The following GLIS3 variants were observed in gnomAD, a reference collection of about 807,000 sequenced individuals.
GLIS3 encodes GLIS family zinc finger 3.
A neutral mutation model predicts 78.6 loss-of-function variants in GLIS3; 53 were observed. The ratio of observed to expected loss-of-function variants is 0.67; its 90% CI spans 0.54 to 0.85. The LOEUF (loss-of-function observed/expected upper bound fraction) is 0.85, where lower values mean the gene tolerates loss of function less well. Ranked by LOEUF, GLIS3 falls within the 40% of genes least tolerant of loss-of-function variation. GLIS3 has a pLI of 0.00. For missense variants in GLIS3, 1,703 were observed against 1,231.1 expected, an observed-to-expected ratio of 1.38 and a Z score of -5.74; for synonymous variants, 684 against 509.9, an observed-to-expected ratio of 1.34 and a Z score of -4.60.
the GLIS3 span, among the ~76,000 whole-genome samples, chr9:4,485,764 A>G: frequency 6.9e-6 from 1 of 145,446 alleles, no homozygotes; most frequent in South Asian, 2.1e-4. Flanking sequence ...CTTGTTGCCC[A>G]GGCTGGAGTG....
chr9:4,086,989 A>G (rs1260039705), intron 4 of GLIS3, among the ~76,000 whole-genome samples: 1 of 152,192 alleles, frequency 6.6e-6, no homozygotes, highest in African/African-American at 2.4e-5. Context: ...ATCCTCTACA[A>G]AATCCTAGTT....
intron 2 of GLIS3, among the ~76,000 whole-genome samples, chr9:4,243,299 T>G (rs140297852): frequency 1.3e-5 from 2 of 152,232 alleles, no homozygotes; most frequent in African/African-American, 4.8e-5. Flanking sequence ...GTCAGAGTGA[T>G]TGAGGTGAGA....
chr9:3,938,328 A>G (rs1358355695), intron 4 of GLIS3, among the ~76,000 whole-genome samples: 1 of 152,214 alleles, frequency 6.6e-6, no homozygotes, highest in African/African-American at 2.4e-5. Context: ...GAGGGTGGGT[A>G]AGGAAGGAAG....
intron 4 of GLIS3, among the ~76,000 whole-genome samples, chr9:4,097,794 C>A (rs879319000): frequency 1.9e-4 from 29 of 152,090 alleles, no homozygotes; most frequent in Admixed American, 1.5e-3. Context: ...CTAAGAACCC[C>A]AAAGGTGCCA....
At chr9:4,482,385 A>G in the GLIS3 span, among the ~76,000 whole-genome samples, 1 of 152,202 alleles carries the variant, frequency 6.6e-6, no homozygotes, top group African/African-American at 2.4e-5. Context: ...TCTTCAATTT[A>G]TAGTTCCAAG....
At chr9:4,443,730 G>A in the GLIS3 span, among the ~76,000 whole-genome samples, 1 of 152,216 alleles carries the variant, frequency 6.6e-6, no homozygotes, top group Non-Finnish European at 1.5e-5. Flanking sequence ...AGGAGTAACA[G>A]GCTTATATGT....
In GLIS3 at chr9:4,316,430, A is replaced by G. The variant is rs372169005; in HGVS notation, n.265-5902T>C. 1.4e-4 allele frequency among the ~76,000 whole-genome samples: 21 copies of G among 152,358 alleles called. No homozygotes were observed. The South Asian group carries it at 4.1e-3, about 30-fold the overall frequency. On this transcript the variant is annotated intron_variant and non_coding_transcript_variant, in intron 2 of 4. Transcript: ENST00000471664. Reference sequence around the variant, plus strand: ...CTCCTTGCTAGGGACAGAGTAGTACAGCAGGTCCTTAAATATCATCATTTC... The same window carrying G: ...CTCCTTGCTAGGGACAGAGTAGTACGGCAGGTCCTTAAATATCATCATTTC...
At chr9:4,437,416 G>GTATCTATC in the GLIS3 span, among the ~76,000 whole-genome samples, 6 of 107,050 alleles carry the variant, frequency 5.6e-5, no homozygotes, top group African/African-American at 1.5e-4. Flanking sequence ...ATGTATGTAT[G>GTATCTATC]TATGTATCTA....
At chr9:4,198,948 A>G (rs1425508893) in intron 2 of GLIS3, among the ~76,000 whole-genome samples, 1 of 152,244 alleles carries the variant, frequency 6.6e-6, no homozygotes. Context: ...CAAGAATTTC[A>G]TATCCCACCA....
chr9:4,214,949 C>A (rs1021970488), intron 2 of GLIS3, among the ~76,000 whole-genome samples: 5 of 152,186 alleles, frequency 3.3e-5, no homozygotes, highest in African/African-American at 1.2e-4. Context: ...TATTTGCTCA[C>A]CTCACCTGTT....
At chr9:4,104,293 C>T (rs1207440359) in intron 4 of GLIS3, among the ~76,000 whole-genome samples, 1 of 152,106 alleles carries the variant, frequency 6.6e-6, no homozygotes, top group African/African-American at 2.4e-5. Flanking sequence ...AACCCCCCTC[C>T]TTCCAGGTGC....
At chr9:4,396,211 T>C in the GLIS3 span, among the ~76,000 whole-genome samples, 1 of 151,584 alleles carries the variant, frequency 6.6e-6, no homozygotes, top group Admixed American at 6.6e-5. Flanking sequence ...CTCTGGGGTT[T>C]AAGCGATTCT....
intron 4 of GLIS3, among the ~76,000 whole-genome samples, chr9:4,115,782 T>C (rs1478450138): frequency 6.6e-6 from 1 of 152,140 alleles, no homozygotes; most frequent in African/African-American, 2.4e-5. Flanking sequence ...AGAAACCCTG[T>C]TTATTATGTG....
chr9:3,959,558 T>G (rs1359107202), intron 4 of GLIS3, among the ~76,000 whole-genome samples: 1 of 152,176 alleles, frequency 6.6e-6, no homozygotes, highest in East Asian at 1.9e-4. Context: ...TGATCCAATC[T>G]CTGCCACATC....
intron 2 of GLIS3, among the ~76,000 whole-genome samples, chr9:4,126,311 A>G (rs967793704): frequency 6.6e-6 from 1 of 152,182 alleles, no homozygotes; most frequent in Admixed American, 6.5e-5. Flanking sequence ...ATCTTGAATC[A>G]CCCAGCAAGG....
chr9:4,058,176 G>C, intron 4 of GLIS3, among the ~76,000 whole-genome samples: 1 of 152,156 alleles, frequency 6.6e-6, no homozygotes, highest in Middle Eastern at 3.4e-3. Flanking sequence ...ATTTAGCTAT[G>C]AGCCTAGCTT....
upstream of GLIS3, among the ~76,000 whole-genome samples, chr9:4,351,835 A>C (rs1817975709): frequency 6.6e-6 from 1 of 152,010 alleles, no homozygotes; most frequent in Non-Finnish European, 1.5e-5. Flanking sequence ...CAAAGAAGTC[A>C]TTTTCAGAGA....
intron 4 of GLIS3, among the ~76,000 whole-genome samples, chr9:4,025,164 A>G (rs1255386010): frequency 6.6e-6 from 1 of 151,994 alleles, no homozygotes; most frequent in Non-Finnish European, 1.5e-5. Context: ...AGGCAGGAGA[A>G]TCACTTGAAT....
At chr9:4,352,674 T>C (rs58865397), upstream of GLIS3, among the ~76,000 whole-genome samples, 1 of 152,362 alleles carries the variant, frequency 6.6e-6, no homozygotes, top group African/African-American at 2.4e-5. Flanking sequence ...ATCAAGACCA[T>C]CGCAGGCCTG....
Sources: gnomAD v4.1 joint callset for allele counts (sites outside exome capture counted in the v4.1 genomes callset) on GRCh38, gnomAD v4.1.1 for gene constraint, MANE v1.5 for transcripts, NCBI Gene and HGNC (gene_info 2026-07-23, HGNC 2026-07-21) for gene names.